The following PDXDC1 variants were observed in gnomAD, a reference collection of about 807,000 sequenced individuals.
PDXDC1 encodes the protein pyridoxal-dependent decarboxylase domain-containing protein 1.
In PDXDC1, 42 loss-of-function variants were observed where a neutral mutation model predicts 100.1. The ratio of observed to expected loss-of-function variants is 0.42; its 90% CI spans 0.33 to 0.54. The LOEUF is 0.54. PDXDC1 is among the 20% of genes least tolerant of loss of function. PDXDC1 has a pLI of 0.10. For missense variants in PDXDC1, 636 were observed against 979.2 expected (o/e 0.65, Z 4.68); for synonymous variants, 260 against 371.7 (o/e 0.70, Z 3.46).
chr16:15,147,343 G>A, the PDXDC1 span, among the ~76,000 whole-genome samples: 1 of 152,202 alleles, frequency 6.6e-6, no homozygotes, highest in Non-Finnish European at 1.5e-5. Flanking sequence ...GCAGGGGTCT[G>A]CCCCAGAGCA....
intron 16 of PDXDC1, chr16:15,094,126 G>A (rs1246334111): frequency 5.7e-6 from 9 of 1,581,938 alleles, no homozygotes; most frequent in Admixed American, 1.8e-5. Context: ...TACGCAGAAG[G>A]AAGCGGCCTG....
chr16:15,122,357 C>T (rs1400044092), intron 16 of PDXDC1, among the ~76,000 whole-genome samples: 14 of 146,494 alleles, frequency 9.6e-5, no homozygotes, highest in African/African-American at 3.6e-4. Context: ...ATAACAGGTA[C>T]GCACCACCAG....
chr16:15,080,148 C>T (rs1213728425), intron 16 of PDXDC1: 2 of 1,534,502 alleles, frequency 1.3e-6, no homozygotes, highest in Non-Finnish European at 1.7e-6. Flanking sequence ...AAACGTTTCA[C>T]AGTTATGTAA....
intron 8 of PDXDC1, among the ~76,000 whole-genome samples, chr16:15,010,706 TTTGC>T (rs1266700040): frequency 2.6e-5 from 4 of 152,288 alleles, no homozygotes; most frequent in South Asian, 2.1e-4. Context: ...TAAAACTTTG[TTTGC>T]AGGCATGATT....
chr16:14,998,474 G>A (rs1357018447), intron 3 of PDXDC1, 69 bp downstream of exon 3: 182 of 1,530,892 alleles, frequency 1.2e-4, no homozygotes, highest in African/African-American at 1.1e-4. Context: ...AGATGGAGTC[G>A]TGCTCTGTTG....
chr16:15,109,707 C>T (rs1361365126), intron 16 of PDXDC1, among the ~76,000 whole-genome samples: 1 of 117,106 alleles, frequency 8.5e-6, no homozygotes, highest in African/African-American at 3.7e-5. Flanking sequence ...AAAAAATTGG[C>T]CGAATGTGGC....
At position 15,028,928 on chromosome 16, in the gene PDXDC1, G is replaced by A. The variant is rs772833944; in HGVS notation, c.1255G>A (p.Gly419Ser). ...PVPNMTPSGVGRERHSCDALN... is the reference protein window; with the variant it reads ...PVPNMTPSGVSRERHSCDALN... ...GCCCAACATGACACCTTCAGGAGTC[G>A]GCCGGGAGAGGCACTCGTGTGACGC... Residue 419 changes from glycine (G) to serine (S), a missense_variant, in exon 15 of 23, where the codon GGC (glycine) becomes AGC (serine). This residue lies in a region of PDXDC1 where 44 missense variants were observed against 46.9 expected (regional missense o/e 0.94). Transcript: ENST00000396410. 33 of 1,613,592 alleles carry A rather than the reference G, an allele frequency of 2.0e-5. No individual in the cohort carries two copies. Among genetic ancestry groups the A allele is most frequent in the Non-Finnish European group, 2.8e-5 (33 of 1,180,008 alleles).
At chr16:15,084,830 C>A (rs1193556703) in intron 16 of PDXDC1, 4 of 724,120 alleles carry the variant, frequency 5.5e-6, no homozygotes, top group Non-Finnish European at 9.9e-6. Context: ...CTTTGGGAGG[C>A]CGAGGTGGGT....
At chr16:15,033,935 G>C (rs2043229462) in intron 19 of PDXDC1, among the ~76,000 whole-genome samples, 1 of 152,114 alleles carries the variant, frequency 6.6e-6, no homozygotes, top group South Asian at 2.1e-4. Context: ...AGGGACCAAG[G>C]TAAGACTGCT....
chr16:15,060,156 T>C (rs1037734814), intron 16 of PDXDC1: 1 of 420,100 alleles, frequency 2.4e-6, no homozygotes, highest in Non-Finnish European at 4.7e-6. Flanking sequence ...TATATGTAAA[T>C]GTCTTTCTAC....
At chr16:14,991,249 T>TA (rs1970717634) in intron 1 of PDXDC1, among the ~76,000 whole-genome samples, 2 of 151,888 alleles carry the variant, frequency 1.3e-5, no homozygotes, top group African/African-American at 4.8e-5. Flanking sequence ...TATATATGTA[T>TA]TATATATGTA....
intron 19 of PDXDC1, 159 bp from the exon 20 acceptor site, chr16:15,034,127 T>C: frequency 3.2e-6 from 2 of 631,232 alleles, no homozygotes; most frequent in South Asian, 3.8e-5. Flanking sequence ...GAGCATGTTA[T>C]CTGCTTGTCT....
intron 4 of PDXDC1, among the ~76,000 whole-genome samples, chr16:15,002,404 A>G (rs1973351959): frequency 6.6e-6 from 1 of 152,418 alleles, no homozygotes; most frequent in Non-Finnish European, 1.5e-5. Context: ...CAAAATGTCT[A>G]TGCCCACCCT....
At chr16:15,041,707 GA>G, downstream of PDXDC1, 1 of 1,540,352 alleles carries the variant, frequency 6.5e-7, no homozygotes, top group Non-Finnish European at 9.0e-7. Flanking sequence ...CCAGAAGTCA[GA>G]AAAGTTCCTC....
intron 16 of PDXDC1, among the ~76,000 whole-genome samples, chr16:15,093,193 C>A (rs879354707): frequency 3.0e-4 from 45 of 152,102 alleles, no homozygotes; most frequent in Non-Finnish European, 3.8e-4. Flanking sequence ...TCAGTAGAGA[C>A]GAGGTTTCGC....
At chr16:15,002,180 A>G (rs1451756293) in intron 4 of PDXDC1, among the ~76,000 whole-genome samples, 1 of 152,284 alleles carries the variant, frequency 6.6e-6, no homozygotes, top group African/African-American at 2.4e-5. Flanking sequence ...TTCATTAGGT[A>G]TTTAGTTAGT....
At chr16:15,141,871 G>A (rs1194884746), downstream of PDXDC1, among the ~76,000 whole-genome samples, 4 of 152,206 alleles carry the variant, frequency 2.6e-5, no homozygotes, top group Non-Finnish European at 5.9e-5. Flanking sequence ...ACACTGTGCT[G>A]TAAGGAACTG....
the PDXDC1 span, among the ~76,000 whole-genome samples, chr16:15,150,107 G>C: frequency 6.6e-6 from 1 of 152,226 alleles, no homozygotes; most frequent in East Asian, 1.9e-4. Context: ...CACTTTGGGA[G>C]GCTGAGGCGG....
chr16:15,030,422 T>C (rs1391475791), intron 16 of PDXDC1, among the ~76,000 whole-genome samples: 1 of 59,812 alleles, frequency 1.7e-5, no homozygotes, highest in East Asian at 2.6e-4. Flanking sequence ...GGTACACACC[T>C]GCAGTCCCAG....
Sources: gnomAD v4.1 joint callset for allele counts (sites outside exome capture counted in the v4.1 genomes callset) on GRCh38, gnomAD v4.1.1 for gene constraint, gnomAD v4.1.1 regional missense constraint, MANE v1.5 for transcripts, NCBI Gene and HGNC (gene_info 2026-07-23, HGNC 2026-07-21) for gene names.